Variants in B4GALNT2 observed in about 807,000 individuals in gnomAD.
B4GALNT2 encodes the protein beta-1,4-N-acetyl-galactosaminyltransferase 2 (SID blood group), also known as N-acetylneuraminylgalactosylglucosyl-glucoside beta-1,4-N- acetylgalactosaminyltransferase 2.
A neutral mutation model predicts 51.1 loss-of-function variants in B4GALNT2; 42 were observed. The ratio of observed to expected loss-of-function variants is 0.82; its 90% CI spans 0.64 to 1.06. B4GALNT2 has a LOEUF of 1.06. Among genes scored for constraint, B4GALNT2 ranks in the 50% least tolerant of loss-of-function variants. B4GALNT2 has a pLI of 0.00. For missense variants in B4GALNT2, 602 were observed against 633.6 expected, an observed-to-expected ratio of 0.95 and a Z score of 0.54; for synonymous variants, 253 against 251.7, an observed-to-expected ratio of 1.01 and a Z score of -0.05.
At chr17:49,134,210 C>T (rs1294828823) in intron 1 of B4GALNT2, among the ~76,000 whole-genome samples, 1 of 152,146 alleles carries the variant, frequency 6.6e-6, no homozygotes, top group Non-Finnish European at 1.5e-5. Context: ...AAAAGGTCTG[C>T]AGTTTCTTTT....
Position 49,132,822 on chromosome 17 carries a change from G to A in B4GALNT2, c.14+16G>A, listed in dbSNP as rs1170346612. 23 of 1,377,864 alleles carry A rather than the reference G, an allele frequency of 1.7e-5. No homozygotes were observed. The highest frequency in any genetic ancestry group is 1.5e-5 in the African/African-American group (1 of 65,284). 85.4% of individuals were successfully genotyped at this position (1,377,864 alleles called of 1,614,324 possible). On this transcript the variant is annotated intron_variant, in intron 1 of 10. Coordinates refer to ENST00000393354, the MANE Select transcript of B4GALNT2 (RefSeq NM_001159387.2). ...CTTCGGGCGGGTGAGTGTCCCCGGG[G>A]CAGAGCAGAGCGAGAGGTGAAACTT...
rs565993034 is a variant in B4GALNT2, at chr17:49,142,142, G to T, written c.323G>T (p.Arg108Ile). 152 of 1,614,006 alleles carry T rather than the reference G, an allele frequency of 9.4e-5. No homozygotes were observed. Among genetic ancestry groups the T allele is most frequent in the Non-Finnish European group, 1.3e-4 (149 of 1,180,030 alleles). The change falls in exon 3 of 11, where the codon AGA (arginine) becomes ATA (isoleucine). Residue 108 changes from arginine (R) to isoleucine (I), a missense_variant. Physicochemically the swap from Arg to Ile is moderately conservative, Grantham distance 97 (BLOSUM62 -3). Transcript: ENST00000393354. ...QSDLPAVKAR[R>I]QAEFEHFQRR... ...GACCTCCCAGCGGTGAAAGCGAGGA[G>T]ACAGGCTGAATTTGAACACTTTCAG...
rs1213267420 is a variant in B4GALNT2, at chr17:49,175,146, C to G, written c.*5418C>G. 2 of 152,132 alleles carry G rather than the reference C, an allele frequency of 1.3e-5. No homozygotes were observed. Among genetic ancestry groups the G allele is most frequent in the Non-Finnish European group, 2.9e-5 (2 of 68,028 alleles). The allele number at this position is 152,132 out of a possible 1,614,324, so 9.4% of individuals were successfully genotyped here. ...GGGTTGAATTTGCCACGTGGACAGCCAGTGCTGTAGAGAAATGATTGAAAT... is the reference window on the plus strand; with the variant it reads ...GGGTTGAATTTGCCACGTGGACAGCGAGTGCTGTAGAGAAATGATTGAAAT... On this transcript the variant is annotated 3_prime_UTR_variant, in exon 11 of 11. Transcript: ENST00000393354.
intron 2 of B4GALNT2, 86 bp from the exon 3 acceptor site, chr17:49,141,949 C>A: frequency 6.5e-7 from 1 of 1,534,958 alleles, no homozygotes; most frequent in South Asian, 1.2e-5. Flanking sequence ...TCAGGGTAAA[C>A]TACACACTGG....
chr17:49,136,039 C>T (rs865801151), intron 1 of B4GALNT2, among the ~76,000 whole-genome samples: 31 of 150,190 alleles, frequency 2.1e-4, no homozygotes, highest in Middle Eastern at 6.8e-3. Flanking sequence ...GCTGAGATCA[C>T]GCCACTGCAC....
chr17:49,125,139 A>T, the B4GALNT2 span, among the ~76,000 whole-genome samples: 1 of 151,916 alleles, frequency 6.6e-6, no homozygotes, highest in African/African-American at 2.4e-5. Flanking sequence ...TTTGTTGGTG[A>T]GTTTGGGATT....
chr17:49,150,458 A>G (rs2042742052), intron 3 of B4GALNT2, among the ~76,000 whole-genome samples: 2 of 152,160 alleles, frequency 1.3e-5, no homozygotes, highest in African/African-American at 2.4e-5. Context: ...CATGATGACA[A>G]TGGCGGTTTT....
intron 6 of B4GALNT2, 119 bp from the exon 7 acceptor site, chr17:49,160,436 C>G (rs1403986072): frequency 7.4e-6 from 7 of 940,310 alleles, no homozygotes; most frequent in Non-Finnish European, 1.0e-5. Context: ...TTGATCTCAT[C>G]CCAACCAGGA....
intron 3 of B4GALNT2, among the ~76,000 whole-genome samples, chr17:49,143,808 A>G (rs1200661217): frequency 6.6e-6 from 1 of 151,686 alleles, no homozygotes; most frequent in Non-Finnish European, 1.5e-5. Flanking sequence ...TGACAGGGCA[A>G]GAGCACATGC....
chr17:49,123,286 G>A, the B4GALNT2 span, among the ~76,000 whole-genome samples: 1 of 152,182 alleles, frequency 6.6e-6, no homozygotes, highest in Non-Finnish European at 1.5e-5. Flanking sequence ...CTCCTGTCAT[G>A]GTTGGAGGCT....
At chr17:49,157,355 CTGT>C (rs199937235) in intron 5 of B4GALNT2, among the ~76,000 whole-genome samples, 23,425 of 151,284 alleles carry the variant, frequency 0.15, 2,110 homozygotes, top group South Asian at 0.31. Context: ...GAGTCTCACT[CTGT>C]CACCTAGCCT....
At chr17:49,147,366 T>G (rs1342728441) in intron 3 of B4GALNT2, among the ~76,000 whole-genome samples, 1 of 148,678 alleles carries the variant, frequency 6.7e-6, no homozygotes, top group Non-Finnish European at 1.5e-5. Context: ...TATTCTTTTC[T>G]TTTCTTTCTT....
chr17:49,169,172 C>A (rs1230839910), intron 10 of B4GALNT2, among the ~76,000 whole-genome samples: 1 of 152,040 alleles, frequency 6.6e-6, no homozygotes, highest in Non-Finnish European at 1.5e-5. Context: ...TCCTCCTTTC[C>A]CATGCTGCTT....
At chr17:49,157,281 C>T (rs1242844465) in intron 5 of B4GALNT2, among the ~76,000 whole-genome samples, 1 of 152,074 alleles carries the variant, frequency 6.6e-6, no homozygotes, top group Non-Finnish European at 1.5e-5. Flanking sequence ...CCGCATCAGC[C>T]TGTGAGTAGC....
At chr17:49,140,868 G>A (rs1039029459) in intron 1 of B4GALNT2, among the ~76,000 whole-genome samples, 1 of 151,760 alleles carries the variant, frequency 6.6e-6, no homozygotes. Context: ...ACAGGCACAC[G>A]CCACCATGCC....
chr17:49,137,959 T>C (rs1271266008), intron 1 of B4GALNT2, among the ~76,000 whole-genome samples: 3 of 152,138 alleles, frequency 2.0e-5, no homozygotes, highest in Non-Finnish European at 2.9e-5. Context: ...CTGATGTATA[T>C]TGGTACAAAT....
In B4GALNT2 at chr17:49,141,356, C is replaced by T; in HGVS notation, c.124C>T (p.Pro42Ser). 1 of 1,614,138 alleles carries T rather than the reference C, an allele frequency of 6.2e-7. No individual in the cohort carries two copies. The highest frequency in any genetic ancestry group is 8.5e-7 in the Non-Finnish European group (1 of 1,180,002). ...FLQAVFSSPK[P>S]ELPSPAPGVQ... is the part of the protein sequence containing the mutation. Reference sequence around the variant, plus strand: ...TCAAGCAGTGTTCAGCAGCCCCAAGCCAGAACTCCCAAGTCCTGCCCCGGG... The same window carrying T: ...TCAAGCAGTGTTCAGCAGCCCCAAGTCAGAACTCCCAAGTCCTGCCCCGGG... Residue 42 changes from proline (P) to serine (S), a missense_variant, in exon 2 of 11, where the codon CCA (proline) becomes TCA (serine). Physicochemically the swap from Pro to Ser is moderately conservative, Grantham distance 74. Coordinates refer to ENST00000393354, the MANE Select transcript of B4GALNT2 (RefSeq NM_001159387.2).
At chr17:49,149,990 C>T (rs1453039739) in intron 3 of B4GALNT2, among the ~76,000 whole-genome samples, 3 of 152,158 alleles carry the variant, frequency 2.0e-5, no homozygotes, top group Admixed American at 6.5e-5. Flanking sequence ...GAGTATGTTC[C>T]ATATGTTCAT....
chr17:49,144,970 A>G (rs4793608), intron 3 of B4GALNT2, among the ~76,000 whole-genome samples: 51,025 of 151,902 alleles, frequency 0.34, 9,118 homozygotes, highest in East Asian at 0.46. Context: ...GGCTAGGCTC[A>G]TCTCATTGCT....
Sources: gnomAD v4.1 joint callset for allele counts (sites outside exome capture counted in the v4.1 genomes callset) on GRCh38, gnomAD v4.1.1 for gene constraint, MANE v1.5 for transcripts, NCBI Gene and HGNC (gene_info 2026-07-23, HGNC 2026-07-21) for gene names.